ATP2C2: variants seen among roughly 807,000 people sequenced by gnomAD.
ATP2C2 encodes the protein ATPase secretory pathway Ca2+ transporting 2.
A neutral mutation model predicts 110.8 loss-of-function variants in ATP2C2; 171 were observed. The observed-to-expected ratio is 1.54, with a 90% CI of 1.36 to 1.75. The LOEUF is 1.75. ATP2C2 is among the 40% of genes most tolerant of loss of function. The pLI is 0.00. For missense variants in ATP2C2, 1,963 were observed against 1,235.0 expected (o/e 1.59, Z -8.84); for synonymous variants, 804 against 508.4 (o/e 1.58, Z -7.82).
intron 6 of ATP2C2, among the ~76,000 whole-genome samples, chr16:84,411,364 C>G (rs946656312): frequency 6.6e-6 from 1 of 152,332 alleles, no homozygotes; most frequent in Admixed American, 6.5e-5. Flanking sequence ...TTCTGCTTAG[C>G]GTAGCCCTGT....
At chr16:84,434,877 A>G (rs1908600691) in intron 11 of ATP2C2, among the ~76,000 whole-genome samples, 1 of 152,188 alleles carries the variant, frequency 6.6e-6, no homozygotes, top group Non-Finnish European at 1.5e-5. Context: ...CATCCAAGTA[A>G]TACAAAGATG....
In ATP2C2 at chr16:84,415,494, G is replaced by C. The variant is rs530606360; in HGVS notation, c.527G>C (p.Gly176Ala). 1 of 1,614,120 alleles carries C rather than the reference G, an allele frequency of 6.2e-7. No homozygotes were observed. The highest frequency in any genetic ancestry group is 1.1e-5 in the South Asian group (1 of 91,080). ...CATGTCAAATGCAGCCTAAGAGAAG[G>C]AAAACTCCAGCACCTGCTTGCTCGA... is the stretch of plus-strand genomic sequence containing the variant. ...VPPECNCLRE[G>A]KLQHLLAREL... The change falls in exon 7 of 27, where the codon GGA becomes GCA. Residue 176 changes from glycine to alanine, a missense_variant. Gly to Ala is a moderately conservative substitution (Grantham distance 60). Transcript: ENST00000262429.
intron 23 of ATP2C2, chr16:84,460,433 G>A (rs1190095094): frequency 3.1e-6 from 2 of 637,652 alleles, no homozygotes; most frequent in Middle Eastern, 2.5e-4. Context: ...TTCCTTCACT[G>A]TCTGCGGGAC....
intron 1 of ATP2C2, among the ~76,000 whole-genome samples, chr16:84,377,711 T>C (rs1358137443): frequency 6.6e-6 from 1 of 152,110 alleles, no homozygotes; most frequent in Non-Finnish European, 1.5e-5. Context: ...GTGTGGGGTT[T>C]AGGGCTTTAG....
chr16:84,393,307 C>T (rs1283973111), intron 1 of ATP2C2, among the ~76,000 whole-genome samples: 2 of 152,134 alleles, frequency 1.3e-5, no homozygotes, highest in Non-Finnish European at 2.9e-5. Context: ...GGGGGGTGCC[C>T]AGGTAAGCAT....
intron 1 of ATP2C2, among the ~76,000 whole-genome samples, chr16:84,393,901 A>G (rs1352893510): frequency 1.3e-5 from 2 of 151,992 alleles, no homozygotes. Context: ...CACACCTGTA[A>G]TCTTAGCACT....
In ATP2C2 at chr16:84,369,835, G is replaced by T. The variant is rs533739097; in HGVS notation, c.99+1121G>T. On this transcript the variant is annotated intron_variant, in intron 1 of 26. Coordinates refer to ENST00000262429, the MANE Select transcript of ATP2C2 (RefSeq NM_014861.4). ...GTTGATGTAAGAATTCTGGTCTTAG[G>T]GTGGTAGGCCACAGGACCACGTAAC... Among the ~76,000 whole-genome samples the T allele has an allele frequency of 7.9e-4, 121 of 152,242 alleles. 1 individual carries two copies. The highest frequency in any genetic ancestry group is 2.8e-3 in the African/African-American group (116 of 41,532).
rs937304012 is a variant in ATP2C2, at chr16:84,462,024, C to T, written c.2617C>T (p.His873Tyr). 6.2e-7 allele frequency: 1 copy of T among 1,614,034 alleles called. No individual in the cohort carries two copies. Among genetic ancestry groups the T allele is most frequent in the Non-Finnish European group, 8.5e-7 (1 of 1,179,936 alleles). The change falls in exon 26 of 27, where the codon CAC becomes TAC. Residue 873 changes from histidine to tyrosine, a missense_variant. Coordinates refer to ENST00000262429, the MANE Select transcript of ATP2C2 (RefSeq NM_014861.4). ...ATTTGAGATCGGCTTTCTCAGGAAC[C>T]ACATGTTCCTCTACTCCGTCCTGGG... is the stretch of plus-strand genomic sequence containing the variant. ...LIFEIGFLRN[H>Y]MFLYSVLGSI...
At chr16:84,431,589 G>A (rs1179106763) in intron 11 of ATP2C2, among the ~76,000 whole-genome samples, 2 of 152,038 alleles carry the variant, frequency 1.3e-5, no homozygotes, top group South Asian at 2.1e-4. Context: ...AGATGAGCAG[G>A]AAGGGTGTTC....
chr16:84,444,757 T>G (rs1420585120), intron 15 of ATP2C2, among the ~76,000 whole-genome samples: 1 of 152,192 alleles, frequency 6.6e-6, no homozygotes, highest in African/African-American at 2.4e-5. Flanking sequence ...TGATGTGTTA[T>G]AATTTTCCTT....
chr16:84,426,006 A>G (rs1330775591), intron 11 of ATP2C2: 18 of 601,248 alleles, frequency 3.0e-5, no homozygotes, highest in Non-Finnish European at 4.5e-5. Context: ...AATGACAGCA[A>G]ATGATCCAGG....
chr16:84,462,418 G>A (rs1037377445), intron 26 of ATP2C2: 11 of 332,014 alleles, frequency 3.3e-5, no homozygotes, highest in African/African-American at 1.0e-4. Flanking sequence ...CTCAGAGCAC[G>A]TGCAGGGAGG....
chr16:84,392,529 C>G (rs1261073487), intron 1 of ATP2C2, among the ~76,000 whole-genome samples: 1 of 152,144 alleles, frequency 6.6e-6, no homozygotes, highest in Admixed American at 6.5e-5. Flanking sequence ...GTGGCGTGAT[C>G]TCAGCTCACT....
chr16:84,428,091 T>C lies in ATP2C2; in HGVS notation c.986+2290T>C, dbSNP rs574250798. ...GTGCTGTAATGATCATTACAGTGAATTACAGCAGACAAACTCCTGGTGGAT... is the reference window on the plus strand; with the variant it reads ...GTGCTGTAATGATCATTACAGTGAACTACAGCAGACAAACTCCTGGTGGAT... On this transcript the variant is annotated intron_variant, in intron 11 of 26. Coordinates refer to ENST00000262429, the MANE Select transcript of ATP2C2 (RefSeq NM_014861.4). Among the ~76,000 whole-genome samples the C allele has an allele frequency of 1.8e-4, 28 of 152,316 alleles. No homozygotes were observed. The South Asian group carries it at 5.4e-3, about 29-fold the overall frequency.
At chr16:84,380,681 C>T (rs540412893) in intron 1 of ATP2C2, among the ~76,000 whole-genome samples, 1 of 152,262 alleles carries the variant, frequency 6.6e-6, no homozygotes, top group South Asian at 2.1e-4. Flanking sequence ...CTAGTTCTGC[C>T]ACTCGCCAGC....
At position 84,461,759 on chromosome 16, in the gene ATP2C2, T is replaced by G; in HGVS notation, c.2527T>G (p.Phe843Val). 1 of 1,614,200 alleles carries G rather than the reference T, an allele frequency of 6.2e-7. No homozygotes were observed. The highest frequency in any genetic ancestry group is 1.1e-5 in the South Asian group (1 of 91,086). The change falls in exon 25 of 27, where the codon TTC becomes GTC. Residue 843 changes from phenylalanine to valine, a missense_variant. Phe to Val is a conservative substitution (Grantham distance 50). Coordinates refer to ENST00000262429, the MANE Select transcript of ATP2C2 (RefSeq NM_014861.4). Reference protein sequence around the residue: ...ASTPRTTTMTFTCFVFFDLFN... With the variant: ...ASTPRTTTMTVTCFVFFDLFN... ...CACTCCCCGCACCACGACGATGACG[T>G]TCACTTGTTTTGTGTTTTTCGATCT...
chr16:84,439,358 C>G (rs554219991), intron 12 of ATP2C2, 68 bp downstream of exon 12: 22 of 1,612,854 alleles, frequency 1.4e-5, no homozygotes, highest in Admixed American at 3.3e-5. Context: ...TCAGGGCAAT[C>G]CAGCCTGGGG....
intron 17 of ATP2C2, 85 bp from the exon 18 acceptor site, chr16:84,451,836 T>TA (rs1315106207): frequency 5.9e-6 from 8 of 1,357,498 alleles, no homozygotes; most frequent in Non-Finnish European, 7.0e-6. Context: ...AAAACTCTCT[T>TA]AAAAAACAAC....
At chr16:84,427,436 G>A (rs1013326492) in intron 11 of ATP2C2, among the ~76,000 whole-genome samples, 1 of 152,066 alleles carries the variant, frequency 6.6e-6, no homozygotes, top group Admixed American at 6.5e-5. Flanking sequence ...TAGGTCACTC[G>A]GCCAGGCGCG....
Sources: allele counts gnomAD v4.1 joint callset (sites outside exome capture counted in the v4.1 genomes callset), GRCh38; gene constraint gnomAD v4.1.1; transcripts MANE v1.5; gene names NCBI Gene and HGNC (gene_info 2026-07-23, HGNC 2026-07-21).